DTWD2: variants seen among roughly 807,000 people sequenced by gnomAD.
DTWD2 encodes tRNA-uridine aminocarboxypropyltransferase 2.
Under a neutral mutation model 31.8 loss-of-function variants are expected in DTWD2, and 39 were observed. The observed-to-expected ratio is 1.22, with a 90% confidence interval of 0.95 to 1.60. The LOEUF (loss-of-function observed/expected upper bound fraction) is 1.60. DTWD2 is among the 40% of genes most tolerant of loss of function. The pLI is 0.00. For missense variants in DTWD2, 515 were observed against 381.5 expected, an observed-to-expected ratio of 1.35 and a Z score of -2.92; for synonymous variants, 180 against 142.8, an observed-to-expected ratio of 1.26 and a Z score of -1.86.
At chr5:118,868,237 G>A (rs1312878351) in intron 4 of DTWD2, among the ~76,000 whole-genome samples, 1 of 151,602 alleles carries the variant, frequency 6.6e-6, no homozygotes, top group Admixed American at 6.6e-5. Context: ...TGGGCCCTTA[G>A]CTTACACCAT....
At position 118,979,395 on chromosome 5, in the gene DTWD2, T is replaced by C. The variant is rs571970565; in HGVS notation, c.218+8899A>G. ...GTTGTGGAGAAAAAAAGAACACTTT[T>C]ATACTATTGGTGGAAGTGTAAATTA... On this transcript the variant is annotated intron_variant, in intron 1 of 5. Coordinates refer to ENST00000510708, the MANE Select transcript of DTWD2 (RefSeq NM_173666.4). Among the ~76,000 whole-genome samples the C allele has an allele frequency of 2.6e-5, 4 of 152,314 alleles. No homozygotes were observed. In the South Asian group the frequency reaches 6.2e-4, roughly 24 times the overall value.
At chr5:118,969,728 G>A (rs941875290) in intron 1 of DTWD2, among the ~76,000 whole-genome samples, 2 of 152,196 alleles carry the variant, frequency 1.3e-5, no homozygotes, top group Non-Finnish European at 2.9e-5. Flanking sequence ...CCACAAAGAT[G>A]AGGAAGAATC....
In DTWD2 at chr5:118,838,037, T is replaced by G. The variant is rs1261409026; in HGVS notation, c.*2880A>C. On this transcript the variant is annotated 3_prime_UTR_variant, in exon 6 of 6. Coordinates refer to ENST00000510708, the MANE Select transcript of DTWD2 (RefSeq NM_173666.4). ...GAAAAGTGTCTCTGGAGTCTTCAAG[T>G]TAGAGAAAATAATTTTTTCCCAATA... is the stretch of plus-strand genomic sequence containing the variant. 2.6e-5 allele frequency: 4 copies of G among 152,180 alleles called. No individual in the cohort carries two copies. Among genetic ancestry groups the G allele is most frequent in the Non-Finnish European group, 5.9e-5 (4 of 68,026 alleles). The allele number at this position is 152,180 out of a possible 1,614,324, so 9.4% of individuals were successfully genotyped here. A position where few individuals can be genotyped will look rare whatever the true frequency, so the allele number is the denominator to read the frequency against.
chr5:118,876,733 T>C (rs953125156), intron 4 of DTWD2, among the ~76,000 whole-genome samples: 2 of 152,062 alleles, frequency 1.3e-5, no homozygotes, highest in South Asian at 2.1e-4. Context: ...GAGGCAGTAA[T>C]AAATAGCCTA....
At chr5:118,869,684 T>C (rs1752459172) in intron 4 of DTWD2, among the ~76,000 whole-genome samples, 1 of 152,176 alleles carries the variant, frequency 6.6e-6, no homozygotes, top group Admixed American at 6.5e-5. Flanking sequence ...ATTCTGTAGG[T>C]ATGGAAAAAG....
At chr5:118,951,190 G>A (rs529293732) in intron 1 of DTWD2, among the ~76,000 whole-genome samples, 7 of 152,328 alleles carry the variant, frequency 4.6e-5, no homozygotes, top group African/African-American at 1.7e-4. Flanking sequence ...AGTCACAGAA[G>A]GAAACTGTAA....
In DTWD2 at chr5:118,929,827, A is replaced by G. The variant is rs528345418; in HGVS notation, c.405-1098T>C. Among the ~76,000 whole-genome samples, 3 of 152,300 alleles carry G rather than the reference A, an allele frequency of 2.0e-5. No individual in the cohort carries two copies. In the South Asian group the frequency reaches 6.2e-4, roughly 32 times the overall value. ...TGAGGACCTTCCCTTGTCCAGATCTAGGAAATAATAACTGAAAGTCTGACA... is the reference window on the plus strand; with the variant it reads ...TGAGGACCTTCCCTTGTCCAGATCTGGGAAATAATAACTGAAAGTCTGACA... On this transcript the variant is annotated intron_variant, in intron 3 of 5. Coordinates refer to ENST00000510708, the MANE Select transcript of DTWD2 (RefSeq NM_173666.4).
At chr5:118,928,780 G>A (rs950877669) in intron 3 of DTWD2, 51 bp from the exon 4 acceptor site, 2 of 1,372,186 alleles carry the variant, frequency 1.5e-6, no homozygotes, top group Non-Finnish European at 1.9e-6. Flanking sequence ...AGGAAAAAAG[G>A]TTTTATTATG....
intron 4 of DTWD2, among the ~76,000 whole-genome samples, chr5:118,911,732 G>A (rs1380084834): frequency 2.0e-5 from 3 of 152,128 alleles, no homozygotes; most frequent in Non-Finnish European, 4.4e-5. Flanking sequence ...TGCCATTTGC[G>A]GCAAGCTGGA....
At chr5:118,870,109 G>A (rs1274276216) in intron 4 of DTWD2, among the ~76,000 whole-genome samples, 1 of 152,140 alleles carries the variant, frequency 6.6e-6, no homozygotes, top group Non-Finnish European at 1.5e-5. Context: ...AGCCAACACT[G>A]TGCTTTGTGT....
At chr5:118,885,792 A>C (rs1379106729) in intron 4 of DTWD2, among the ~76,000 whole-genome samples, 1 of 151,196 alleles carries the variant, frequency 6.6e-6, no homozygotes, top group Non-Finnish European at 1.5e-5. Flanking sequence ...AAATAATAAA[A>C]AATAAATATA....
chr5:118,860,338 C>T (rs1204073192), intron 4 of DTWD2, among the ~76,000 whole-genome samples: 3 of 151,106 alleles, frequency 2.0e-5, no homozygotes, highest in Non-Finnish European at 2.9e-5. Context: ...ATTTAAATTA[C>T]TCTTAAAAGT....
intron 4 of DTWD2, among the ~76,000 whole-genome samples, chr5:118,885,859 G>C (rs145586530): frequency 1.3e-5 from 2 of 152,086 alleles, no homozygotes; most frequent in Admixed American, 6.6e-5. Flanking sequence ...CAGCTACTTA[G>C]GGGGCTGAGG....
At chr5:118,939,332 A>C in intron 2 of DTWD2, 42 bp from the exon 3 acceptor site, 1 of 1,461,452 alleles carries the variant, frequency 6.8e-7, no homozygotes, top group South Asian at 1.4e-5. Flanking sequence ...TTTTACTTAG[A>C]TATACACACT....
intron 4 of DTWD2, among the ~76,000 whole-genome samples, chr5:118,888,302 G>C (rs907744681): frequency 6.6e-6 from 1 of 152,050 alleles, no homozygotes; most frequent in Non-Finnish European, 1.5e-5. Context: ...TCTGCTTCCT[G>C]ACTATACATT....
chr5:118,935,977 C>T (rs968976099), intron 3 of DTWD2, among the ~76,000 whole-genome samples: 2 of 152,094 alleles, frequency 1.3e-5, no homozygotes, highest in South Asian at 2.1e-4. Context: ...TACCAAAAGA[C>T]AGATCACATG....
chr5:118,974,113 C>T (rs1012563717), intron 1 of DTWD2: 67 of 1,587,910 alleles, frequency 4.2e-5, no homozygotes, highest in Admixed American at 1.1e-4. Context: ...AGAAGACCGA[C>T]GAGGATGACT....
At chr5:118,926,017 G>C (rs2149577619) in intron 4 of DTWD2, among the ~76,000 whole-genome samples, 1 of 152,182 alleles carries the variant, frequency 6.6e-6, no homozygotes, top group East Asian at 1.9e-4. Context: ...AGGATCACTT[G>C]AGCCCTGGAG....
At chr5:118,945,077 T>C (rs1393050444) in intron 1 of DTWD2, among the ~76,000 whole-genome samples, 1 of 152,158 alleles carries the variant, frequency 6.6e-6, no homozygotes, top group Non-Finnish European at 1.5e-5. Flanking sequence ...AATTACCAAC[T>C]AGAGAAAAAC....
Sources: gnomAD v4.1 joint callset for allele counts (sites outside exome capture counted in the v4.1 genomes callset) on GRCh38, gnomAD v4.1.1 for gene constraint, MANE v1.5 for transcripts, NCBI Gene and HGNC (gene_info 2026-07-23, HGNC 2026-07-21) for gene names.